Variants in UBE2D2 observed in about 807,000 individuals in gnomAD.
UBE2D2 encodes the protein ubiquitin-conjugating enzyme E2 D2.
Under a neutral mutation model 24.2 loss-of-function variants are expected in UBE2D2, and 2 were observed. The observed-to-expected ratio is 0.08, with a 90% CI of 0.03 to 0.26. UBE2D2 has a LOEUF of 0.26. UBE2D2 is among the 10% of genes least tolerant of loss of function. The pLI is 1.00. For missense variants in UBE2D2, 44 were observed against 177.6 expected, an observed-to-expected ratio of 0.25 and a Z score of 4.28; for synonymous variants, 58 against 56.5, an observed-to-expected ratio of 1.03 and a Z score of -0.12.
chr5:139,545,812 C>G (rs1326239250), intron 1 of UBE2D2, among the ~76,000 whole-genome samples: 5 of 151,732 alleles, frequency 3.3e-5, no homozygotes, highest in African/African-American at 9.7e-5. Context: ...TAACCTCCAT[C>G]TCCCAGGTTC....
chr5:139,594,073 T>A (rs1753909143), intron 1 of UBE2D2, among the ~76,000 whole-genome samples: 1 of 152,248 alleles, frequency 6.6e-6, no homozygotes, highest in Non-Finnish European at 1.5e-5. Context: ...CTCTCTCAGT[T>A]TCCCATCTTG....
intron 5 of UBE2D2, among the ~76,000 whole-genome samples, chr5:139,622,746 C>T (rs1234004809): frequency 1.1e-4 from 16 of 148,450 alleles, no homozygotes; most frequent in Non-Finnish European, 2.1e-4. Flanking sequence ...AAAAATTAGC[C>T]GGGCGTGGTG....
chr5:139,597,056 T>G (rs1354039739), intron 1 of UBE2D2, among the ~76,000 whole-genome samples: 1 of 151,188 alleles, frequency 6.6e-6, no homozygotes, highest in Non-Finnish European at 1.5e-5. Context: ...AAAAAAAAAT[T>G]ACATTAAAAA....
At chr5:139,546,025 C>A (rs1752821611) in intron 1 of UBE2D2, among the ~76,000 whole-genome samples, 1 of 151,516 alleles carries the variant, frequency 6.6e-6, no homozygotes, top group Non-Finnish European at 1.5e-5. Context: ...CCGTGCCTGG[C>A]CTTAAATTCT....
At chr5:139,557,951 T>G (rs753804997), upstream of UBE2D2, among the ~76,000 whole-genome samples, 1 of 152,000 alleles carries the variant, frequency 6.6e-6, no homozygotes, top group African/African-American at 2.4e-5. Flanking sequence ...TAAATAAAAA[T>G]TAGCCAGGCA....
At chr5:139,591,555 G>C (rs1045209063) in intron 1 of UBE2D2, among the ~76,000 whole-genome samples, 4 of 152,050 alleles carry the variant, frequency 2.6e-5, no homozygotes, top group African/African-American at 7.2e-5. Context: ...TGTTTCCATC[G>C]GTTTGTCTGT....
Position 139,587,940 on chromosome 5 carries a change from G to T in UBE2D2, c.25-12432G>T, listed in dbSNP as rs186026645. Among the ~76,000 whole-genome samples, 815 of 152,118 alleles carry T rather than the reference G, an allele frequency of 5.4e-3. 3 individuals carry two copies. Among genetic ancestry groups the T allele is most frequent in the African/African-American group, 0.018 (748 of 41,512 alleles). The stretch of plus-strand genomic sequence containing the variant: ...TGATTGGTCGGGTATTAGCTAAGTT[G>T]CGAGCCCCGTATTTAAAGGTGGACG... On this transcript the variant is annotated intron_variant, in intron 1 of 6. Coordinates refer to ENST00000398733, the MANE Select transcript of UBE2D2 (RefSeq NM_003339.3).
intron 5 of UBE2D2, among the ~76,000 whole-genome samples, chr5:139,622,087 G>T (rs1754522112): frequency 6.6e-6 from 1 of 152,140 alleles, no homozygotes; most frequent in Admixed American, 6.6e-5. Flanking sequence ...AGCTCCCTTA[G>T]GAGTTCAGGC....
In UBE2D2 at chr5:139,589,252, CTG is replaced by C. The variant is rs200982677; in HGVS notation, c.25-11118_25-11117del. Among the ~76,000 whole-genome samples, 940 of 151,974 alleles carry C rather than the reference CTG, an allele frequency of 6.2e-3. 15 individuals carry two copies. Among genetic ancestry groups the C allele is most frequent in the African/African-American group, 0.019 (808 of 41,470 alleles). ...CCTGCCTGGGTGACAGAGCAAGACT[CTG>C]TCTCTTAAAGAAAAAAAAAATAGCC... On this transcript the variant is annotated intron_variant, in intron 1 of 6. Coordinates refer to ENST00000398733, the MANE Select transcript of UBE2D2 (RefSeq NM_003339.3).
chr5:139,622,706 G>A (rs1370724823), intron 5 of UBE2D2, among the ~76,000 whole-genome samples: 2 of 149,364 alleles, frequency 1.3e-5, no homozygotes, highest in African/African-American at 2.5e-5. Flanking sequence ...TGGCTAACAC[G>A]GTGAAACCCC....
intron 1 of UBE2D2, among the ~76,000 whole-genome samples, chr5:139,577,584 T>G (rs1032125213): frequency 6.6e-6 from 1 of 151,976 alleles, no homozygotes; most frequent in Non-Finnish European, 1.5e-5. Flanking sequence ...TGGCTAATTA[T>G]TGTATTTTTA....
intron 1 of UBE2D2, among the ~76,000 whole-genome samples, chr5:139,563,488 A>G (rs1305154234): frequency 2.0e-5 from 3 of 151,802 alleles, no homozygotes; most frequent in African/African-American, 7.3e-5. Context: ...CAAAAAAAAT[A>G]TATACATATG....
intron 2 of UBE2D2, among the ~76,000 whole-genome samples, chr5:139,606,906 G>A (rs1429689660): frequency 3.9e-5 from 6 of 152,168 alleles, no homozygotes; most frequent in Non-Finnish European, 8.8e-5. Flanking sequence ...CCGGGTTCAA[G>A]CAGTTCTCCT....
intron 5 of UBE2D2, among the ~76,000 whole-genome samples, chr5:139,619,996 G>A (rs1309811839): frequency 2.6e-5 from 4 of 152,168 alleles, no homozygotes; most frequent in East Asian, 1.9e-4. Context: ...TGTCTCACAT[G>A]GCAGTAGCAG....
chr5:139,534,568 GAAA>G (rs77999908), intron 1 of UBE2D2, among the ~76,000 whole-genome samples: 1 of 114,148 alleles, frequency 8.8e-6, no homozygotes, highest in Admixed American at 9.3e-5. Context: ...ACTGTCTCAG[GAAA>G]AAAAAAAAAA....
At chr5:139,589,125 G>T (rs1451838634) in intron 1 of UBE2D2, among the ~76,000 whole-genome samples, 1 of 152,066 alleles carries the variant, frequency 6.6e-6, no homozygotes, top group Non-Finnish European at 1.5e-5. Context: ...GAGCGTCTTT[G>T]GTTTGCACCT....
At chr5:139,560,298 A>G (rs1007768619), upstream of UBE2D2, among the ~76,000 whole-genome samples, 1 of 151,666 alleles carries the variant, frequency 6.6e-6, no homozygotes, top group Non-Finnish European at 1.5e-5. Context: ...CCCGGATTCA[A>G]GCGATTCTCC....
At chr5:139,605,455 G>C (rs1211994840) in intron 2 of UBE2D2, among the ~76,000 whole-genome samples, 2 of 151,760 alleles carry the variant, frequency 1.3e-5, no homozygotes, top group Non-Finnish European at 2.9e-5. Context: ...AGCCGGGCTT[G>C]GTGGCAGGTG....
intron 1 of UBE2D2, chr5:139,562,166 G>A: frequency 7.5e-7 from 1 of 1,338,568 alleles, no homozygotes; most frequent in Non-Finnish European, 9.8e-7. Context: ...GGGCGCTGGG[G>A]CGTTGGGCGG....
Sources: gnomAD v4.1 joint callset for allele counts (sites outside exome capture counted in the v4.1 genomes callset) on GRCh38, gnomAD v4.1.1 for gene constraint, MANE v1.5 for transcripts, NCBI Gene and HGNC (gene_info 2026-07-23, HGNC 2026-07-21) for gene names.